Variants in EEPD1 observed in about 807,000 individuals in gnomAD.
The protein encoded by EEPD1 is endonuclease/exonuclease/phosphatase family domain-containing protein 1.
A neutral mutation model predicts 46.3 loss-of-function variants in EEPD1; 17 were observed. The ratio of observed to expected loss-of-function variants is 0.37; its 90% confidence interval spans 0.25 to 0.55. The LOEUF is 0.55. EEPD1 is among the 20% of genes least tolerant of loss of function. The pLI is 0.83. For synonymous variants in EEPD1, 313 were observed against 315.6 expected (o/e 0.99, Z 0.09); for missense variants, 673 against 745.6 (o/e 0.90, Z 1.13).
intron 2 of EEPD1, among the ~76,000 whole-genome samples, chr7:36,219,390 C>T (rs1786091878): frequency 6.6e-6 from 1 of 151,660 alleles, no homozygotes; most frequent in African/African-American, 2.4e-5. Flanking sequence ...AGGTGGGGAC[C>T]TGGCTGGGTG....
Position 36,299,142 on chromosome 7 carries a change from C to G in EEPD1, c.1646C>G (p.Ala549Gly), listed in dbSNP as rs1311795575. ...GAAAAGGACTGGAGCAAGAAGGATGCCCCTCGGAACGGCAGCGGGGTGGCC... is the reference window on the plus strand; with the variant it reads ...GAAAAGGACTGGAGCAAGAAGGATGGCCCTCGGAACGGCAGCGGGGTGGCC... ...YTEKDWSKKD[A>G]PRNGSGVALE... The change falls in exon 8 of 8, where the codon GCC becomes GGC. Residue 549 changes from alanine (A) to glycine (G), a missense_variant. Physicochemically the swap from Ala to Gly is moderately conservative, Grantham distance 60 (BLOSUM62 0). Transcript: ENST00000242108. The G allele has an allele frequency of 6.2e-7, 1 of 1,611,526 alleles. No homozygotes were observed. Among genetic ancestry groups the G allele is most frequent in the African/African-American group, 1.3e-5 (1 of 74,912 alleles).
At chr7:36,258,252 G>A (rs1431561419) in intron 3 of EEPD1, among the ~76,000 whole-genome samples, 1 of 152,160 alleles carries the variant, frequency 6.6e-6, no homozygotes, top group Non-Finnish European at 1.5e-5. Flanking sequence ...TCCTGTATGA[G>A]GTGTCTGTCA....
chr7:36,192,129 C>T (rs888071605), intron 2 of EEPD1, among the ~76,000 whole-genome samples: 4 of 152,244 alleles, frequency 2.6e-5, no homozygotes, highest in Non-Finnish European at 4.4e-5. Context: ...AAGCCCTTCA[C>T]CCTTTTCTAA....
At position 36,295,038 on chromosome 7, in the gene EEPD1, C is replaced by T. The variant is rs568821513; in HGVS notation, c.1316-1955C>T. ...ACTAAAAATACAAAGATTAGCCAGG[C>T]GTGGTGGTCCATACCTGTAATCCCA... On this transcript the variant is annotated intron_variant, in intron 6 of 7. Transcript: ENST00000242108. 3.6e-4 allele frequency among the ~76,000 whole-genome samples: 55 copies of T among 152,066 alleles called. 1 individual carries two copies. Among genetic ancestry groups the T allele is most frequent in the Non-Finnish European group, 6.2e-4 (42 of 67,984 alleles).
At chr7:36,170,385 G>T (rs1213778815) in intron 2 of EEPD1, among the ~76,000 whole-genome samples, 2 of 151,938 alleles carry the variant, frequency 1.3e-5, no homozygotes, top group Non-Finnish European at 2.9e-5. Flanking sequence ...CTCCAGCCTG[G>T]GTGACAGAGT....
chr7:36,204,038 C>CT (rs532419871), intron 2 of EEPD1, among the ~76,000 whole-genome samples: 336 of 121,516 alleles, frequency 2.8e-3, no homozygotes, highest in Non-Finnish European at 3.3e-3. Context: ...TTTTCTTTTT[C>CT]TTTTTTTTTT....
intron 3 of EEPD1, among the ~76,000 whole-genome samples, chr7:36,242,535 A>G (rs988859228): frequency 6.6e-6 from 1 of 152,182 alleles, no homozygotes; most frequent in Non-Finnish European, 1.5e-5. Context: ...TGAAAAGTTC[A>G]GAAGCAAACA....
chr7:36,299,161 G>T lies in EEPD1; in HGVS notation c.1665G>T (p.Gly555=), dbSNP rs772227585. Residue 555 remains glycine, a synonymous_variant, in exon 8 of 8, where the codon GGG becomes GGT. Transcript: ENST00000242108. ...AGGATGCCCCTCGGAACGGCAGCGG[G>T]GTGGCCTTGGAGCGAAGTGAAGCCA... ...SKKDAPRNGS[G]VALERSEANI... 3 of 1,614,218 alleles carry T rather than the reference G, an allele frequency of 1.9e-6. No individual in the cohort carries two copies. The highest frequency in any genetic ancestry group is 1.7e-6 in the Non-Finnish European group (2 of 1,180,028).
At chr7:36,208,464 A>G (rs566587786) in intron 2 of EEPD1, among the ~76,000 whole-genome samples, 1 of 152,206 alleles carries the variant, frequency 6.6e-6, no homozygotes, top group Non-Finnish European at 1.5e-5. Context: ...TGGCTTTGAC[A>G]GTTGTCTCCA....
At chr7:36,170,408 CA>C (rs546236185) in intron 2 of EEPD1, among the ~76,000 whole-genome samples, 79 of 140,950 alleles carry the variant, frequency 5.6e-4, no homozygotes, top group Admixed American at 1.7e-3. Flanking sequence ...GACTCTGTCT[CA>C]AAAAAAAAAA....
rs1273180358 is a variant in EEPD1, at chr7:36,193,357, G to A, written c.878+38155G>A. Among the ~76,000 whole-genome samples, 1 of 152,152 alleles carries A rather than the reference G, an allele frequency of 6.6e-6. No individual in the cohort carries two copies. The highest frequency in any genetic ancestry group is 2.4e-5 in the African/African-American group (1 of 41,426). ...CCTGGAGAGGGGAGGAATGAAGGCGGGATGAGGTATGGCCAGAGAGCAGAG... is the reference window on the plus strand; with the variant it reads ...CCTGGAGAGGGGAGGAATGAAGGCGAGATGAGGTATGGCCAGAGAGCAGAG... On this transcript the variant is annotated intron_variant, in intron 2 of 7. Coordinates refer to ENST00000242108, the MANE Select transcript of EEPD1 (RefSeq NM_030636.3). This position sits in a 1 kb window ranked among gnomAD's most constrained non-coding sequence, Gnocchi z 4.9.
At chr7:36,255,575 G>C (rs1443704061) in intron 3 of EEPD1, among the ~76,000 whole-genome samples, 1 of 152,122 alleles carries the variant, frequency 6.6e-6, no homozygotes, top group Non-Finnish European at 1.5e-5. Context: ...ATGTGTCCAG[G>C]AATTTATCCA....
intron 6 of EEPD1, 134 bp from the exon 7 acceptor site, chr7:36,296,859 T>C: frequency 1.3e-6 from 1 of 772,518 alleles, no homozygotes; most frequent in Non-Finnish European, 2.0e-6. Context: ...GTGAGGAGAG[T>C]GAGAACCATG....
At chr7:36,197,859 C>A (rs1225444023) in intron 2 of EEPD1, among the ~76,000 whole-genome samples, 1 of 151,618 alleles carries the variant, frequency 6.6e-6, no homozygotes, top group African/African-American at 2.4e-5. Flanking sequence ...TGCCAAATCC[C>A]CCTCTGCGAG....
At chr7:36,293,746 C>T (rs138191434) in intron 6 of EEPD1, among the ~76,000 whole-genome samples, 3 of 152,066 alleles carry the variant, frequency 2.0e-5, no homozygotes, top group Non-Finnish European at 4.4e-5. Flanking sequence ...GACAGATCAC[C>T]TGAGGTCAGG....
chr7:36,213,222 A>G (rs938269038), intron 2 of EEPD1, among the ~76,000 whole-genome samples: 11 of 152,202 alleles, frequency 7.2e-5, no homozygotes, highest in Non-Finnish European at 1.5e-4. Context: ...CTAATATATT[A>G]TGACACATTC....
chr7:36,238,314 A>G (rs1222493681), intron 2 of EEPD1, among the ~76,000 whole-genome samples: 1 of 152,152 alleles, frequency 6.6e-6, no homozygotes, highest in Non-Finnish European at 1.5e-5. Context: ...CCGACCTCCT[A>G]TCTCACCCTG....
At chr7:36,164,986 TAA>T (rs1784959382) in intron 2 of EEPD1, among the ~76,000 whole-genome samples, 2 of 152,220 alleles carry the variant, frequency 1.3e-5, no homozygotes. Context: ...TTAAAAAATT[TAA>T]AAGTTTATAA....
chr7:36,246,897 G>A (rs1482896724), intron 3 of EEPD1, among the ~76,000 whole-genome samples: 2 of 152,098 alleles, frequency 1.3e-5, no homozygotes, highest in Non-Finnish European at 2.9e-5. Flanking sequence ...AGGCCAAGGC[G>A]GGTGGATCGC....
Sources: allele counts gnomAD v4.1 joint callset (sites outside exome capture counted in the v4.1 genomes callset), GRCh38; gene constraint gnomAD v4.1.1; non-coding constraint Gnocchi (gnomAD v3.1); transcripts MANE v1.5; gene names NCBI Gene and HGNC (gene_info 2026-07-23, HGNC 2026-07-21).